Variants in MAP4K3 observed in about 807,000 individuals in gnomAD.
MAP4K3 encodes MAPK/ERK kinase kinase kinase 3.
MAP4K3 carries 94 observed loss-of-function variants against 143.5 expected under a neutral mutation model. The observed-to-expected ratio is 0.65, with a 90% confidence interval of 0.55 to 0.78. MAP4K3 has a LOEUF of 0.78. Ranked by LOEUF, MAP4K3 falls within the 30% of genes least tolerant of loss-of-function variation. The probability of loss-of-function intolerance (pLI) is 0.00; values close to 1 mark genes in which losing one functional copy is unlikely to be tolerated. For synonymous variants in MAP4K3, 416 were observed against 347.2 expected, an observed-to-expected ratio of 1.20 and a Z score of -2.20; for missense variants, 1,077 against 1,068.1, an observed-to-expected ratio of 1.01 and a Z score of -0.12.
intron 15 of MAP4K3, among the ~76,000 whole-genome samples, chr2:39,307,271 A>G (rs1682744233): frequency 6.6e-6 from 1 of 152,162 alleles, no homozygotes; most frequent in Non-Finnish European, 1.5e-5. Flanking sequence ...ACAACTATTA[A>G]AAGTATTATT....
At chr2:39,281,963 G>A (rs1182191866) in intron 22 of MAP4K3, among the ~76,000 whole-genome samples, 1 of 152,122 alleles carries the variant, frequency 6.6e-6, no homozygotes, top group African/African-American at 2.4e-5. Flanking sequence ...GGAGGCCGAG[G>A]TGCACACATC....
At chr2:39,254,399 A>C in intron 32 of MAP4K3, 51 bp downstream of exon 32, 1 of 1,399,064 alleles carries the variant, frequency 7.1e-7, no homozygotes, top group Non-Finnish European at 1.0e-6. Flanking sequence ...AACTGTTTGA[A>C]GTGGAATTTG....
At chr2:39,252,951 T>G (rs1381150253) in intron 32 of MAP4K3, among the ~76,000 whole-genome samples, 1 of 150,448 alleles carries the variant, frequency 6.6e-6, no homozygotes, top group Non-Finnish European at 1.5e-5. Flanking sequence ...CTCAGGTGAC[T>G]TTTTGGGTGA....
At chr2:39,336,501 A>AAG (rs1664968634) in intron 6 of MAP4K3, among the ~76,000 whole-genome samples, 2 of 134,514 alleles carry the variant, frequency 1.5e-5, no homozygotes, top group South Asian at 2.4e-4. Context: ...AAAAAAAAAA[A>AAG]GACTATGAGA....
chr2:39,261,950 G>A (rs1350430630), intron 28 of MAP4K3, among the ~76,000 whole-genome samples: 1 of 152,070 alleles, frequency 6.6e-6, no homozygotes, highest in Non-Finnish European at 1.5e-5. Flanking sequence ...GAAGCAGGGA[G>A]CTGACTAAAA....
intron 1 of MAP4K3, among the ~76,000 whole-genome samples, chr2:39,434,323 T>C (rs145749205): frequency 6.6e-6 from 1 of 152,286 alleles, no homozygotes; most frequent in Admixed American, 6.5e-5. Context: ...AGAATAAACT[T>C]GATTATAGAC....
Position 39,325,767 on chromosome 2 carries a change from T to G in MAP4K3, c.770A>C (p.Asn257Thr), listed in dbSNP as rs1683470375. 4 of 1,610,196 alleles carry G rather than the reference T, an allele frequency of 2.5e-6. No homozygotes were observed. Among genetic ancestry groups the G allele is most frequent in the Non-Finnish European group, 3.4e-6 (4 of 1,178,516 alleles). ...TTCAGCAGTAGGTCTTTTTTTCGGA[T>G]TTTTGGTAAGTGCCATTTTCACAAA... ...HHFVKMALTKNPKKRPTAEKL... is the reference protein window; with the variant it reads ...HHFVKMALTKTPKKRPTAEKL... The change falls in exon 11 of 34, where the codon AAT (asparagine) becomes ACT (threonine). Residue 257 changes from asparagine to threonine, a missense_variant. Transcript: ENST00000263881.
intron 1 of MAP4K3, among the ~76,000 whole-genome samples, chr2:39,393,740 G>T (rs1666731049): frequency 6.6e-6 from 1 of 152,116 alleles, no homozygotes; most frequent in Admixed American, 6.5e-5. Flanking sequence ...GCAGGAGACT[G>T]GTTCCAGGAC....
At chr2:39,315,192 C>A in intron 13 of MAP4K3, 118 bp downstream of exon 13, 3 of 632,522 alleles carry the variant, frequency 4.7e-6, no homozygotes, top group Non-Finnish European at 7.6e-6. Context: ...TAAACTTTAC[C>A]TTTAACAGTG....
chr2:39,417,136 T>C (rs1354755929), intron 1 of MAP4K3, among the ~76,000 whole-genome samples: 1 of 152,132 alleles, frequency 6.6e-6, no homozygotes, highest in African/African-American at 2.4e-5. Flanking sequence ...TTGTGAAAAT[T>C]TCTAAAAAGC....
chr2:39,371,314 G>T (rs1180921650), intron 2 of MAP4K3, among the ~76,000 whole-genome samples: 1 of 152,202 alleles, frequency 6.6e-6, no homozygotes, highest in East Asian at 1.9e-4. Context: ...ATTATAAAAT[G>T]AACCCAAGGT....
intron 4 of MAP4K3, among the ~76,000 whole-genome samples, chr2:39,338,007 C>T (rs1417503575): frequency 1.3e-5 from 2 of 152,040 alleles, no homozygotes; most frequent in African/African-American, 4.8e-5. Flanking sequence ...AAGCAATCTT[C>T]CTGCCTCAGC....
At chr2:39,269,470 CTTTTTTTTT>C (rs59479315) in intron 26 of MAP4K3, among the ~76,000 whole-genome samples, 5 of 89,676 alleles carry the variant, frequency 5.6e-5, no homozygotes, top group Admixed American at 1.5e-4. Context: ...TTGCTCAGGT[CTTTTTTTTT>C]TTTTTTTTTT....
chr2:39,306,578 C>T (rs1426913446), intron 15 of MAP4K3, among the ~76,000 whole-genome samples: 1 of 152,218 alleles, frequency 6.6e-6, no homozygotes, highest in Non-Finnish European at 1.5e-5. Flanking sequence ...GGAACACATG[C>T]AATTTCATGG....
At chr2:39,358,502 T>G (rs1665674721) in intron 2 of MAP4K3, among the ~76,000 whole-genome samples, 1 of 152,226 alleles carries the variant, frequency 6.6e-6, no homozygotes, top group Non-Finnish European at 1.5e-5. Flanking sequence ...TCTAATAGAA[T>G]GTATTAGTGG....
At position 39,368,788 on chromosome 2, in the gene MAP4K3, AT is replaced by A. The variant is rs563063557; in HGVS notation, c.154+9277del. Among the ~76,000 whole-genome samples, 143 of 152,124 alleles carry A rather than the reference AT, an allele frequency of 9.4e-4. 1 individual carries two copies. Among genetic ancestry groups the A allele is most frequent in the African/African-American group, 3.1e-3 (128 of 41,504 alleles). ...TCTCACCAGATCTGATTTAAAGATA[AT>A]TTTTTTTAGCAGCTCCTGATCTGTT... is the stretch of plus-strand genomic sequence containing the variant. On this transcript the variant is annotated intron_variant, in intron 2 of 33. Transcript: ENST00000263881.
intron 23 of MAP4K3, among the ~76,000 whole-genome samples, chr2:39,279,713 G>T (rs1425053922): frequency 1.3e-5 from 2 of 152,090 alleles, no homozygotes; most frequent in Non-Finnish European, 2.9e-5. Context: ...ACTTTGGGAG[G>T]CTGAGGCGAC....
chr2:39,433,870 TA>T (rs1665369342), intron 1 of MAP4K3, among the ~76,000 whole-genome samples: 1 of 150,848 alleles, frequency 6.6e-6, no homozygotes, highest in Non-Finnish European at 1.5e-5. Flanking sequence ...ATAACTTACT[TA>T]CTAAGTAAAA....
intron 22 of MAP4K3, among the ~76,000 whole-genome samples, chr2:39,282,033 A>C (rs945413593): frequency 6.6e-6 from 1 of 151,918 alleles, no homozygotes; most frequent in Non-Finnish European, 1.5e-5. Context: ...TCTCTATAAA[A>C]ACACACAAAA....
Sources: gnomAD v4.1 joint callset for allele counts (sites outside exome capture counted in the v4.1 genomes callset) on GRCh38, gnomAD v4.1.1 for gene constraint, MANE v1.5 for transcripts, NCBI Gene and HGNC (gene_info 2026-07-23, HGNC 2026-07-21) for gene names.